Variants in PPP1R42 observed in about 807,000 individuals in gnomAD.
PPP1R42 encodes protein phosphatase 1 regulatory subunit 42, also known as leucine rich repeat containing 67.
In PPP1R42, 34 loss-of-function variants were observed where a neutral mutation model predicts 31.0. The observed-to-expected ratio is 1.10, with a 90% CI of 0.83 to 1.46. The LOEUF (loss-of-function observed/expected upper bound fraction) is 1.46. Ranked by LOEUF, PPP1R42 falls within the 40% of genes most tolerant of loss-of-function variation. The pLI is 0.00. For missense variants in PPP1R42, 268 were observed against 303.0 expected (o/e 0.88, Z 0.86); for synonymous variants, 103 against 109.8 (o/e 0.94, Z 0.39).
chr8:67,019,453 T>C (rs779633333), intron 1 of PPP1R42, among the ~76,000 whole-genome samples: 1 of 147,636 alleles, frequency 6.8e-6, no homozygotes, highest in Non-Finnish European at 1.5e-5. Context: ...TTGGCCAGGC[T>C]GGTCTTGAAC....
chr8:66,995,534 G>C (rs976670061), intron 5 of PPP1R42, among the ~76,000 whole-genome samples: 2 of 152,126 alleles, frequency 1.3e-5, no homozygotes, highest in East Asian at 3.9e-4. Flanking sequence ...TTCTTCATTT[G>C]TTCTATAAAC....
At position 66,988,502 on chromosome 8, in the gene PPP1R42, G is replaced by A; in HGVS notation, c.568C>T (p.Leu190=). Residue 190 remains leucine (L), a synonymous_variant, in exon 6 of 8, where the codon CTG becomes TTG. Coordinates refer to ENST00000685739, the MANE Select transcript of PPP1R42 (RefSeq NM_001364910.1). ...TTCCACAGCTTCATCAACTTGTTCAGTAAAAACTCCAAATCCTATAATTAG... is the reference window on the plus strand; with the variant it reads ...TTCCACAGCTTCATCAACTTGTTCAATAAAAACTCCAAATCCTATAATTAG... ...LLHVKDLEFL[L]NKLMKLWKID... 1.9e-6 allele frequency: 3 copies of A among 1,605,090 alleles called. No homozygotes were observed. Among genetic ancestry groups the A allele is most frequent in the Non-Finnish European group, 2.5e-6 (3 of 1,177,270 alleles).
rs538286989 is a variant in PPP1R42 at position 67,014,611 on chromosome 8, C to T, written c.130-19G>A. Reference sequence around the variant, plus strand: ...GGTCTTCCTAAAAGGGAAACAAAAACATGTCAAATGTAATTTCTCCTGAAA... The same window carrying T: ...GGTCTTCCTAAAAGGGAAACAAAAATATGTCAAATGTAATTTCTCCTGAAA... On this transcript the variant is annotated intron_variant, in intron 2 of 7. Transcript: ENST00000685739. 3 of 1,497,406 alleles carry T rather than the reference C, an allele frequency of 2.0e-6. No individual in the cohort carries two copies. The highest frequency in any genetic ancestry group is 1.3e-5 in the South Asian group (1 of 78,020). The allele number at this position is 1,497,406 out of a possible 1,614,324, so 92.8% of individuals were successfully genotyped here.
At chr8:67,007,786 A>T (rs1044056935) in intron 5 of PPP1R42, among the ~76,000 whole-genome samples, 3 of 151,872 alleles carry the variant, frequency 2.0e-5, no homozygotes, top group African/African-American at 7.3e-5. Flanking sequence ...TTAGGTTATC[A>T]TATCTACTGT....
At chr8:66,985,997 C>T in intron 6 of PPP1R42, 1 of 747,068 alleles carries the variant, frequency 1.3e-6, no homozygotes, top group Middle Eastern at 2.4e-4. Flanking sequence ...ACTTGGAATG[C>T]CTAGAGCTTC....
chr8:66,998,057 T>G (rs748129790), intron 5 of PPP1R42, among the ~76,000 whole-genome samples: 8 of 152,160 alleles, frequency 5.3e-5, no homozygotes, highest in Non-Finnish European at 8.8e-5. Context: ...CTCTGTACTT[T>G]CCTTTCAATT....
intron 3 of PPP1R42, among the ~76,000 whole-genome samples, chr8:67,013,787 T>G (rs1815917117): frequency 6.6e-6 from 1 of 152,172 alleles, no homozygotes; most frequent in Non-Finnish European, 1.5e-5. Context: ...AATTTGGATA[T>G]GTAGGTTGGA....
At chr8:66,970,878 A>G (rs1814520136) in intron 7 of PPP1R42, 1 of 879,920 alleles carries the variant, frequency 1.1e-6, no homozygotes, top group Non-Finnish European at 1.8e-6. Context: ...AGAACAAAGA[A>G]CTAGGAGACA....
At chr8:67,028,175 C>T (rs1816458604) in intron 1 of PPP1R42, among the ~76,000 whole-genome samples, 1 of 152,148 alleles carries the variant, frequency 6.6e-6, no homozygotes, top group African/African-American at 2.4e-5. Flanking sequence ...ATCACTGGCT[C>T]CAGCCCTCAG....
At chr8:67,024,731 C>G (rs1270345386) in intron 1 of PPP1R42, among the ~76,000 whole-genome samples, 1 of 151,988 alleles carries the variant, frequency 6.6e-6, no homozygotes, top group East Asian at 1.9e-4. Flanking sequence ...CCCACCTCGG[C>G]CTCCCAGAGT....
At chr8:66,973,152 T>G (rs1294280689) in intron 7 of PPP1R42, among the ~76,000 whole-genome samples, 4 of 152,204 alleles carry the variant, frequency 2.6e-5, no homozygotes, top group Non-Finnish European at 5.9e-5. Flanking sequence ...TGCTTTCCAT[T>G]TTAAATTATT....
At position 67,017,919 on chromosome 8, in the gene PPP1R42, T is replaced by C. The variant is rs148996303; in HGVS notation, c.-84-88A>G. 2,085 of 587,096 alleles carry C rather than the reference T, an allele frequency of 3.6e-3. 15 individuals are homozygous for C. Among genetic ancestry groups the C allele is most frequent in the African/African-American group, 0.02 (1,018 of 52,040 alleles). The allele number at this position is 587,096 out of a possible 1,614,324, so 36.4% of individuals were successfully genotyped here. A position where few individuals can be genotyped will look rare whatever the true frequency, so the allele number is the denominator to read the frequency against. Reference sequence around the variant, plus strand: ...ACTTACTCTTTAAATAATTCCCTTATATGAAACTATTTGATAAGCTAGTTT... The same window carrying C: ...ACTTACTCTTTAAATAATTCCCTTACATGAAACTATTTGATAAGCTAGTTT... On this transcript the variant is annotated intron_variant, in intron 1 of 7. Transcript: ENST00000685739.
At chr8:66,978,609 G>C (rs911293906) in intron 7 of PPP1R42, among the ~76,000 whole-genome samples, 3 of 152,094 alleles carry the variant, frequency 2.0e-5, no homozygotes, top group Non-Finnish European at 4.4e-5. Flanking sequence ...GTAGAGACAG[G>C]GTTTCACCAT....
intron 5 of PPP1R42, among the ~76,000 whole-genome samples, chr8:67,004,073 GAGCGAGACT>G (rs1157551960): frequency 1.3e-5 from 2 of 150,162 alleles, no homozygotes; most frequent in Non-Finnish European, 2.9e-5. Flanking sequence ...CTGGGTGACA[GAGCGAGACT>G]CCGTCTCAAA....
In PPP1R42 at chr8:66,995,080, T is replaced by C. The variant is rs539640780; in HGVS notation, c.553-6563A>G. On this transcript the variant is annotated intron_variant, in intron 5 of 7. Coordinates refer to ENST00000685739, the MANE Select transcript of PPP1R42 (RefSeq NM_001364910.1). ...GGATGGATGTCAGTGACCTTATATA[T>C]GGCATGAGAGATTTTTTGCCTATAG... Among the ~76,000 whole-genome samples, 33 of 152,336 alleles carry C rather than the reference T, an allele frequency of 2.2e-4. 1 individual carries two copies. Among genetic ancestry groups the C allele is most frequent in the African/African-American group, 7.5e-4 (31 of 41,586 alleles).
chr8:67,012,241 A>AAAAAT (rs1815863906), intron 4 of PPP1R42, among the ~76,000 whole-genome samples: 3 of 152,192 alleles, frequency 2.0e-5, no homozygotes, highest in Admixed American at 2.0e-4. Flanking sequence ...TTTTTAAAAT[A>AAAAAT]AAAATAAAAT....
chr8:67,025,008 G>A lies in PPP1R42; in HGVS notation c.-85+3483C>T, dbSNP rs1816351440. 2.0e-5 allele frequency among the ~76,000 whole-genome samples: 3 copies of A among 149,632 alleles called. No homozygotes were observed. The South Asian group carries it at 6.3e-4, about 32-fold the overall frequency. ...GCTGGAGTGCAGTGGTGTGATTATA[G>A]CTCACTGCAATGTCAAATTCCTGGG... On this transcript the variant is annotated intron_variant, in intron 1 of 7. Coordinates refer to ENST00000685739, the MANE Select transcript of PPP1R42 (RefSeq NM_001364910.1).
At chr8:67,003,788 TA>T (rs1815583161) in intron 5 of PPP1R42, among the ~76,000 whole-genome samples, 1 of 152,146 alleles carries the variant, frequency 6.6e-6, no homozygotes, top group Non-Finnish European at 1.5e-5. Flanking sequence ...AATGCAGTAG[TA>T]TTAAGAGATA....
chr8:67,018,344 C>T (rs1039272005), intron 1 of PPP1R42, among the ~76,000 whole-genome samples: 3 of 151,836 alleles, frequency 2.0e-5, no homozygotes, highest in Non-Finnish European at 4.4e-5. Flanking sequence ...TCTCGAACTC[C>T]TGAGCTCAGG....
Sources: gnomAD v4.1 joint callset for allele counts (sites outside exome capture counted in the v4.1 genomes callset) on GRCh38, gnomAD v4.1.1 for gene constraint, MANE v1.5 for transcripts, NCBI Gene and HGNC (gene_info 2026-07-23, HGNC 2026-07-21) for gene names.